Variants in CSRP2 observed in about 807,000 individuals in gnomAD.
The protein encoded by CSRP2 is cysteine and glycine-rich protein 2.
CSRP2 carries 18 observed loss-of-function variants against 24.6 expected under a neutral mutation model. The observed-to-expected ratio is 0.73, with a 90% CI of 0.51 to 1.09. The LOEUF (loss-of-function observed/expected upper bound fraction) is 1.09, where lower values mean the gene tolerates loss of function less well. Among genes scored for constraint, CSRP2 ranks in the 50% least tolerant of loss-of-function variants. The pLI is 0.00. For missense variants in CSRP2, 215 were observed against 239.4 expected (o/e 0.90, Z 0.67); for synonymous variants, 87 against 84.3 (o/e 1.03, Z -0.18).
chr12:76,876,616 A>C (rs1005252157), intron 1 of CSRP2, among the ~76,000 whole-genome samples: 21 of 152,300 alleles, frequency 1.4e-4, no homozygotes, highest in African/African-American at 4.8e-4. Context: ...AACCCCACCT[A>C]GGTAATCAAA....
At chr12:76,869,129 C>T (rs1372225274) in intron 1 of CSRP2, among the ~76,000 whole-genome samples, 1 of 151,966 alleles carries the variant, frequency 6.6e-6, no homozygotes, top group African/African-American at 2.4e-5. Context: ...CTGCTAAGGG[C>T]CCCATCTCTG....
intron 3 of CSRP2, chr12:76,862,873 A>C: frequency 1.3e-6 from 2 of 1,531,120 alleles, no homozygotes; most frequent in Non-Finnish European, 1.7e-6. Flanking sequence ...TAATTTCATG[A>C]CATCCGGTCT....
At position 76,869,529 on chromosome 12, in the gene CSRP2, AACACACACACACACACACACACACAC is replaced by A. The variant is rs57542492; in HGVS notation, c.-1-3294_-1-3269del. Among the ~76,000 whole-genome samples, 392 of 135,420 alleles carry A rather than the reference AACACACACACACACACACACACACAC, an allele frequency of 2.9e-3. 2 individuals are homozygous for A. Among genetic ancestry groups the A allele is most frequent in the African/African-American group, 0.01 (372 of 36,168 alleles). 88.8% of individuals were successfully genotyped at this position (135,420 alleles called of 152,430 possible). ...GGAGCTCCTGTTCCTTAAAACAAAC[AACACACACACACACACACACACACAC>A]ACACACACACACACACACACACACC... is the stretch of plus-strand genomic sequence containing the variant. On this transcript the variant is annotated intron_variant, in intron 1 of 5. Transcript: ENST00000311083.
intron 3 of CSRP2, chr12:76,862,845 G>A: frequency 1.3e-6 from 2 of 1,526,334 alleles, no homozygotes; most frequent in Non-Finnish European, 1.7e-6. Flanking sequence ...GATTCACACA[G>A]CACATTTCTC....
intron 1 of CSRP2, among the ~76,000 whole-genome samples, chr12:76,866,463 G>A (rs890456694): frequency 9.1e-5 from 11 of 120,342 alleles, no homozygotes; most frequent in Admixed American, 2.8e-4. Flanking sequence ...CTGGCTTGTC[G>A]TGCACAAGAT....
chr12:76,862,562 G>GT (rs758974601), intron 3 of CSRP2: 1 of 361,690 alleles, frequency 2.8e-6, no homozygotes, highest in Non-Finnish European at 4.5e-6. Context: ...AAAAAAGTGT[G>GT]TGGGGGGAAT....
intron 2 of CSRP2, chr12:76,864,742 A>C (rs958467570): frequency 6.6e-6 from 1 of 152,140 alleles, no homozygotes; most frequent in Non-Finnish European, 1.5e-5. Flanking sequence ...TTAGTCTATT[A>C]TCTTAAACTA....
chr12:76,871,000 A>AT (rs1555192190), intron 1 of CSRP2, among the ~76,000 whole-genome samples: 2 of 150,124 alleles, frequency 1.3e-5, no homozygotes, highest in African/African-American at 2.4e-5. Context: ...AAAAAAAAAA[A>AT]GTGGATGGTG....
intron 1 of CSRP2, among the ~76,000 whole-genome samples, chr12:76,873,157 T>C (rs1011442666): frequency 1.3e-5 from 2 of 152,244 alleles, no homozygotes; most frequent in African/African-American, 4.8e-5. Flanking sequence ...TGACATTTTA[T>C]TACTACATGT....
chr12:76,868,808 C>T (rs1953760928), intron 1 of CSRP2, among the ~76,000 whole-genome samples: 1 of 152,032 alleles, frequency 6.6e-6, no homozygotes, highest in African/African-American at 2.4e-5. Context: ...TGGTGGGGGC[C>T]TGTAGTCCCA....
Position 76,866,168 on chromosome 12 carries a change from GTGGAAGCTCCTGCCA to G in CSRP2, c.78_92del (p.Gly27_His31del). On this transcript the variant is annotated inframe_deletion, in exon 2 of 6. Transcript: ENST00000311083. Reference sequence around the variant, plus strand: ...ACTTACTGCAGAGAAAGCAGCAGCGGTGGAAGCTCCTGCCATCACACTGCACCTCTTCTGCGTGGT... The same window carrying G: ...ACTTACTGCAGAGAAAGCAGCAGCGGTCACACTGCACCTCTTCTGCGTGGT... The G allele has an allele frequency of 6.2e-7, 1 of 1,613,708 alleles. No homozygotes were observed. The highest frequency in any genetic ancestry group is 8.5e-7 in the Non-Finnish European group (1 of 1,179,612).
intron 3 of CSRP2, chr12:76,862,470 G>A (rs1592507881): frequency 6.0e-6 from 1 of 165,646 alleles, no homozygotes; most frequent in Non-Finnish European, 1.3e-5. Context: ...GAACCTGGGA[G>A]GCAGAGGTTG....
At chr12:76,864,564 T>C (rs918071870) in intron 2 of CSRP2, 1 of 151,750 alleles carries the variant, frequency 6.6e-6, no homozygotes, top group Non-Finnish European at 1.5e-5. Flanking sequence ...TGTATGCCTG[T>C]AGCAAAACAT....
In CSRP2 at chr12:76,877,971, CA is replaced by C. The variant is rs1297193508; in HGVS notation, c.-2+966del. Among the ~76,000 whole-genome samples the C allele has an allele frequency of 7.1e-3, 829 of 116,430 alleles. 10 individuals are homozygous for C. The highest frequency in any genetic ancestry group is 0.025 in the African/African-American group (765 of 30,530). The allele number at this position is 116,430 out of a possible 152,430, so 76.4% of individuals were successfully genotyped here. A position where few individuals can be genotyped will look rare whatever the true frequency, so the allele number is the denominator to read the frequency against. ...ACTAACTGCCCCCGCCCCACCCCCC[CA>C]CCCCCCAAAAAAAATTCTGTACCGA... On this transcript the variant is annotated intron_variant, in intron 1 of 5. Coordinates refer to ENST00000311083, the MANE Select transcript of CSRP2 (RefSeq NM_001321.3).
At chr12:76,864,272 C>T (rs1953712343) in intron 2 of CSRP2, 1 of 152,116 alleles carries the variant, frequency 6.6e-6, no homozygotes. Context: ...AATTTCTTCC[C>T]CTTATTTAAA....
At chr12:76,863,956 G>A (rs2137825692) in intron 2 of CSRP2, 1 of 152,314 alleles carries the variant, frequency 6.6e-6, no homozygotes, top group Non-Finnish European at 1.5e-5. Context: ...AGTCTAGACT[G>A]GGAAGTATCA....
intron 1 of CSRP2, among the ~76,000 whole-genome samples, chr12:76,868,469 C>T (rs916838148): frequency 6.6e-6 from 1 of 152,102 alleles, no homozygotes; most frequent in Non-Finnish European, 1.5e-5. Context: ...AGCTCTCTTG[C>T]CTGCTGCCAT....
At chr12:76,863,551 G>A in intron 2 of CSRP2, 1 of 475,698 alleles carries the variant, frequency 2.1e-6, no homozygotes, top group Non-Finnish European at 3.7e-6. Context: ...CCATGGATAT[G>A]ACAGTTGCTT....
Position 76,874,624 on chromosome 12 carries a change from G to A in CSRP2, c.-2+4314C>T, listed in dbSNP as rs1321413302. ...GGTTCCAACCCCCAGGCCACAGACC[G>A]ATGGCTGTGTTTTGTGTTCAGGCTA... is the stretch of plus-strand genomic sequence containing the variant. On this transcript the variant is annotated intron_variant, in intron 1 of 5. Transcript: ENST00000311083. Among the ~76,000 whole-genome samples the A allele has an allele frequency of 4.6e-5, 7 of 152,164 alleles. No homozygotes were observed. The South Asian group carries it at 1.2e-3, about 27-fold the overall frequency.
Sources: gnomAD v4.1 joint callset for allele counts (sites outside exome capture counted in the v4.1 genomes callset) on GRCh38, gnomAD v4.1.1 for gene constraint, MANE v1.5 for transcripts, NCBI Gene and HGNC (gene_info 2026-07-23, HGNC 2026-07-21) for gene names.